DMBT1: variants seen among roughly 807,000 people sequenced by gnomAD.
DMBT1 encodes deleted in malignant brain tumors 1.
Under a neutral mutation model 252.9 loss-of-function variants are expected in DMBT1, and 198 were observed. The observed-to-expected ratio is 0.78, with a 90% CI of 0.70 to 0.88. The LOEUF (loss-of-function observed/expected upper bound fraction) is 0.88. Among genes scored for constraint, DMBT1 ranks in the 40% least tolerant of loss-of-function variants. DMBT1 has a pLI of 0.00. For missense variants in DMBT1, 2,432 were observed against 2,404.7 expected, an observed-to-expected ratio of 1.01 and a Z score of -0.24; for synonymous variants, 990 against 942.7, an observed-to-expected ratio of 1.05 and a Z score of -0.92.
Position 122,617,336 on chromosome 10 carries a change from G to C in DMBT1, c.4891+76G>C, listed in dbSNP as rs1186337808. ...TTGTGTTTGAAACTGATAGGATGAGGCTCAAGGTGGGCCCCTCTCTTTTCA... is the reference window on the plus strand; with the variant it reads ...TTGTGTTTGAAACTGATAGGATGAGCCTCAAGGTGGGCCCCTCTCTTTTCA... On this transcript the variant is annotated intron_variant, in intron 40 of 55. Transcript: ENST00000338354. The C allele has an allele frequency of 2.4e-5, 36 of 1,522,920 alleles. 1 individual carries two copies. The Admixed American group carries it at 6.1e-4, about 26-fold the overall frequency. The allele number at this position is 1,522,920 out of a possible 1,614,324, so 94.3% of individuals were successfully genotyped here.
chr10:122,564,308 C>T (rs2097571794), intron 1 of DMBT1, among the ~76,000 whole-genome samples: 1 of 152,180 alleles, frequency 6.6e-6, no homozygotes, highest in Non-Finnish European at 1.5e-5. Context: ...CCCACATTTA[C>T]AAAGAATCTG....
chr10:122,630,422 T>C lies in DMBT1; in HGVS notation c.5957T>C (p.Ile1986Thr), dbSNP rs772145606. 14 of 1,613,880 alleles carry C rather than the reference T, an allele frequency of 8.7e-6. No homozygotes were observed. In the African/African-American group the frequency reaches 9.3e-5, roughly 11 times the overall value. Residue 1986 changes from isoleucine to threonine, a missense_variant, in exon 48 of 56, where the codon ATT becomes ACT. Transcript: ENST00000338354. ...ACATCTTCTTACAACCGAATGACCA[T>C]TCACTTTCGAAGTGACATCAGTTTC... is the stretch of plus-strand genomic sequence containing the variant. ...IFTSSYNRMT[I>T]HFRSDISFQN... is the part of the protein sequence containing the mutation.
At chr10:122,621,900 CT>C (rs549288726) in intron 44 of DMBT1, among the ~76,000 whole-genome samples, 92 of 152,314 alleles carry the variant, frequency 6.0e-4, no homozygotes, top group African/African-American at 1.9e-3. Flanking sequence ...GTTTCAGCTC[CT>C]TCCAAAGAAC....
chr10:122,588,129 G>A (rs114158676), intron 16 of DMBT1, among the ~76,000 whole-genome samples: 1,960 of 148,570 alleles, frequency 0.013, 119 homozygotes, highest in African/African-American at 0.046. Flanking sequence ...TTAAAGACAC[G>A]TTGCCGACCA....
intron 10 of DMBT1, among the ~76,000 whole-genome samples, chr10:122,580,232 C>T (rs961720197): frequency 6.6e-6 from 1 of 152,190 alleles, no homozygotes; most frequent in Non-Finnish European, 1.5e-5. Flanking sequence ...GCAGCACAGA[C>T]AGCAAGGCAG....
intron 25 of DMBT1, among the ~76,000 whole-genome samples, 196 bp downstream of exon 25, chr10:122,598,208 G>A (rs148985961): frequency 6.6e-6 from 1 of 152,046 alleles, no homozygotes; most frequent in African/African-American, 2.4e-5. Flanking sequence ...CTGGTGACTT[G>A]TCTCCCGTGG....
At chr10:122,630,633 G>A in intron 48 of DMBT1, 143 bp downstream of exon 48, 1 of 967,774 alleles carries the variant, frequency 1.0e-6, no homozygotes, top group Non-Finnish European at 1.5e-6. Flanking sequence ...CTGACTGTGT[G>A]GGCAGGCCCT....
intron 42 of DMBT1, 26 bp downstream of exon 42, chr10:122,619,363 G>C (rs1334416125): frequency 6.2e-7 from 1 of 1,613,746 alleles, no homozygotes. Context: ...CCTTCATCGG[G>C]ATGTCCCTTC....
chr10:122,570,822 A>G, intron 3 of DMBT1, 68 bp from the exon 4 acceptor site: 2 of 1,560,270 alleles, frequency 1.3e-6, no homozygotes, highest in Non-Finnish European at 1.8e-6. Context: ...AGAGCTGACG[A>G]AGCCATGGAC....
chr10:122,636,265 T>C (rs1417081880), intron 53 of DMBT1, 66 bp downstream of exon 53: 13 of 1,388,016 alleles, frequency 9.4e-6, no homozygotes, highest in African/African-American at 1.4e-5. Context: ...GTGGCTCAAC[T>C]GTCCTGTTGT....
chr10:122,597,910 C>T (rs3980979), intron 24 of DMBT1, 64 bp from the exon 25 acceptor site: 290 of 1,612,290 alleles, frequency 1.8e-4, no homozygotes, highest in Admixed American at 1.3e-3. Flanking sequence ...CTCCGGAGAC[C>T]TTTCCTTTTG....
At chr10:122,631,340 T>C (rs1272422122) in intron 49 of DMBT1, 59 bp downstream of exon 49, 9 of 1,578,294 alleles carry the variant, frequency 5.7e-6, no homozygotes, top group African/African-American at 5.4e-5. Context: ...AAGCAAGAGC[T>C]TAAGGCCAGT....
intron 39 of DMBT1, 96 bp from the exon 40 acceptor site, chr10:122,617,132 T>G: frequency 7.3e-7 from 1 of 1,362,018 alleles, no homozygotes; most frequent in South Asian, 1.2e-5. Context: ...GAAGTGGAAT[T>G]GTTGCCAGGT....
chr10:122,617,401 G>T lies in DMBT1; in HGVS notation c.4891+141G>T, dbSNP rs530626950. On this transcript the variant is annotated intron_variant, in intron 40 of 55. Transcript: ENST00000338354. Reference sequence around the variant, plus strand: ...GGGTGGGAGGAAGGTGGAGTTTCTAGGGAGTCAGCCCTGGGTTTGATGTTT... The same window carrying T: ...GGGTGGGAGGAAGGTGGAGTTTCTATGGAGTCAGCCCTGGGTTTGATGTTT... The T allele has an allele frequency of 5.0e-5, 54 of 1,088,356 alleles. 1 individual carries two copies. The highest frequency in any genetic ancestry group is 4.5e-5 in the Non-Finnish European group (33 of 737,504). 67.4% of individuals were successfully genotyped at this position (1,088,356 alleles called of 1,614,324 possible).
In DMBT1 at chr10:122,630,223, CTATT is replaced by C; in HGVS notation, c.5823-61_5823-58del. ...AATGGCATCCCTCGTAAAGTGCAAA[CTATT>C]TATAAAATGGAGGGGCAATAGGAAT... On this transcript the variant is annotated intron_variant, in intron 47 of 55. Coordinates refer to ENST00000338354, the MANE Select transcript of DMBT1 (RefSeq NM_001377530.1). 3.3e-6 allele frequency: 5 copies of C among 1,535,266 alleles called. No individual in the cohort carries two copies. In the South Asian group the frequency reaches 5.6e-5, roughly 17 times the overall value.
intron 2 of DMBT1, among the ~76,000 whole-genome samples, chr10:122,569,206 C>A (rs1017389500): frequency 6.6e-6 from 1 of 152,142 alleles, no homozygotes; most frequent in Non-Finnish European, 1.5e-5. Flanking sequence ...ATCACGACCA[C>A]CCCCGGCCTG....
In DMBT1 at chr10:122,640,176, T is replaced by A. The variant is rs749832714; in HGVS notation, c.7079T>A (p.Ile2360Asn). Residue 2360 changes from isoleucine to asparagine, a missense_variant, in exon 55 of 56, where the codon ATT becomes AAT. Ile to Asn is a moderately radical substitution (Grantham distance 149). Around this residue, in one of 3 missense-constraint regions of DMBT1, gnomAD observed 1,162 missense variants for 1,169.0 expected, o/e 0.99. Coordinates refer to ENST00000338354, the MANE Select transcript of DMBT1 (RefSeq NM_001377530.1). ...AACACCTGGGTCGACACCATGTACA[T>A]TGCTAATGACACCATCCACGTTGCT... ...LQNTWVDTMY[I>N]ANDTIHVANN... The A allele has an allele frequency of 1.2e-6, 2 of 1,614,030 alleles. No individual in the cohort carries two copies. Among genetic ancestry groups the A allele is most frequent in the Non-Finnish European group, 1.7e-6 (2 of 1,179,884 alleles).
intron 24 of DMBT1, 94 bp from the exon 25 acceptor site, chr10:122,597,880 G>A: frequency 6.3e-7 from 1 of 1,591,414 alleles, no homozygotes; most frequent in Non-Finnish European, 8.6e-7. Flanking sequence ...AAGTGGGGTA[G>A]TTTTCATGAT....
At chr10:122,638,769 T>C (rs1052262936) in intron 54 of DMBT1, among the ~76,000 whole-genome samples, 3 of 152,240 alleles carry the variant, frequency 2.0e-5, no homozygotes, top group African/African-American at 7.2e-5. Context: ...AATAACCATA[T>C]TGCCTATCAC....
Sources: gnomAD v4.1 joint callset for allele counts (sites outside exome capture counted in the v4.1 genomes callset) on GRCh38, gnomAD v4.1.1 for gene constraint, gnomAD v4.1.1 regional missense constraint, MANE v1.5 for transcripts, NCBI Gene and HGNC (gene_info 2026-07-23, HGNC 2026-07-21) for gene names.